PPP4R2: variants seen among roughly 807,000 people sequenced by gnomAD.
The protein encoded by PPP4R2 is serine/threonine-protein phosphatase 4 regulatory subunit 2.
In PPP4R2, 13 loss-of-function variants were observed where a neutral mutation model predicts 47.2. The ratio of observed to expected loss-of-function variants is 0.28; its 90% confidence interval spans 0.18 to 0.44. The LOEUF (loss-of-function observed/expected upper bound fraction) is 0.44, where lower values mean the gene tolerates loss of function less well. Ranked by LOEUF, PPP4R2 falls within the 20% of genes least tolerant of loss-of-function variation. The probability of loss-of-function intolerance (pLI) is 1.00; values close to 1 mark genes in which losing one functional copy is unlikely to be tolerated. For missense variants in PPP4R2, 421 were observed against 491.2 expected (o/e 0.86, Z 1.35); for synonymous variants, 151 against 163.3 (o/e 0.92, Z 0.57).
chr3:73,017,231 A>G (rs1258338032), intron 2 of PPP4R2, among the ~76,000 whole-genome samples: 1 of 152,090 alleles, frequency 6.6e-6, no homozygotes, highest in Non-Finnish European at 1.5e-5. Context: ...GTCATTCTTC[A>G]TATCTGTGGG....
intron 2 of PPP4R2, among the ~76,000 whole-genome samples, chr3:73,002,670 C>A (rs1327554828): frequency 1.3e-4 from 11 of 83,358 alleles, no homozygotes; most frequent in Non-Finnish European, 2.1e-4. Context: ...GAGACGGAGT[C>A]TCGCTCTGTC....
chr3:73,019,501 G>A (rs2107248191), intron 2 of PPP4R2, among the ~76,000 whole-genome samples: 1 of 152,238 alleles, frequency 6.6e-6, no homozygotes, highest in Middle Eastern at 3.4e-3. Context: ...AGCCTCCCTA[G>A]TAGCTGGGAT....
In PPP4R2 at chr3:73,001,582, A is replaced by G. The variant is rs77434861; in HGVS notation, c.116+3424A>G. On this transcript the variant is annotated intron_variant, in intron 2 of 8. Transcript: ENST00000356692. ...GAGTAAGACCTTGTCTCAAACACAC[A>G]CATGCACACTTGCACACTTATGTAA... 6.0e-3 allele frequency among the ~76,000 whole-genome samples: 919 copies of G among 152,206 alleles called. 11 individuals carry two copies. Among genetic ancestry groups the G allele is most frequent in the African/African-American group, 0.021 (887 of 41,530 alleles).
At position 73,065,050 on chromosome 3, in the gene PPP4R2, A is replaced by C; in HGVS notation, c.837A>C (p.Ser279=). The C allele has an allele frequency of 6.2e-7, 1 of 1,613,986 alleles. No homozygotes were observed. The highest frequency in any genetic ancestry group is 8.5e-7 in the Non-Finnish European group (1 of 1,179,870). Residue 279 remains serine (S), a synonymous_variant, in exon 8 of 9, where the codon TCA becomes TCC. Transcript: ENST00000356692. ...SSVMVGETEA[S]SSSQDKDKDS... ...TTATGGTAGGAGAAACAGAAGCATC[A>C]TCTTCATCTCAGGATAAAGACAAAG...
chr3:73,037,545 A>G (rs561370757), intron 2 of PPP4R2, among the ~76,000 whole-genome samples: 1 of 152,334 alleles, frequency 6.6e-6, no homozygotes, highest in Middle Eastern at 3.4e-3. Context: ...GCTGCTAGAT[A>G]GAGGTCAGGG....
rs376374782 is a variant in PPP4R2 at position 73,059,418 on chromosome 3, A to G, written c.381+288A>G. On this transcript the variant is annotated intron_variant, in intron 4 of 8. Transcript: ENST00000356692. Reference sequence around the variant, plus strand: ...AACTTATTAAAGGTTCTGTGAAGTTATAATTGCTATTTTAACTTTATAGAG... The same window carrying G: ...AACTTATTAAAGGTTCTGTGAAGTTGTAATTGCTATTTTAACTTTATAGAG... Among the ~76,000 whole-genome samples the G allele has an allele frequency of 2.0e-5, 3 of 152,216 alleles. No homozygotes were observed. In the East Asian group the frequency reaches 5.8e-4, roughly 29 times the overall value.
intron 2 of PPP4R2, among the ~76,000 whole-genome samples, chr3:73,043,524 T>C (rs1284299805): frequency 6.6e-6 from 1 of 152,190 alleles, no homozygotes; most frequent in Non-Finnish European, 1.5e-5. Flanking sequence ...CCAAGTACTT[T>C]CCAAAGCAAC....
At chr3:73,004,066 C>G (rs1278747721) in intron 2 of PPP4R2, among the ~76,000 whole-genome samples, 4 of 152,074 alleles carry the variant, frequency 2.6e-5, no homozygotes, top group Non-Finnish European at 2.9e-5. Context: ...AATTTCCTGA[C>G]TTCAAGTGAT....
At chr3:73,022,667 A>G (rs965703764) in intron 2 of PPP4R2, among the ~76,000 whole-genome samples, 9 of 152,188 alleles carry the variant, frequency 5.9e-5, no homozygotes, top group Admixed American at 2.6e-4. Flanking sequence ...AAGAACGTCA[A>G]TAAATATCAT....
chr3:73,007,963 G>GT (rs1342669349), intron 2 of PPP4R2, among the ~76,000 whole-genome samples: 4 of 151,602 alleles, frequency 2.6e-5, no homozygotes, highest in Non-Finnish European at 5.9e-5. Context: ...GGTCAGCTGA[G>GT]TTTTTTTCCC....
chr3:73,018,867 C>A (rs1701903708), intron 2 of PPP4R2, among the ~76,000 whole-genome samples: 1 of 152,122 alleles, frequency 6.6e-6, no homozygotes, highest in Non-Finnish European at 1.5e-5. Flanking sequence ...TCAATAAAAA[C>A]TGCCATATTT....
chr3:73,007,896 G>A (rs1701645580), intron 2 of PPP4R2, among the ~76,000 whole-genome samples: 2 of 151,560 alleles, frequency 1.3e-5, no homozygotes, highest in Non-Finnish European at 2.9e-5. Flanking sequence ...CTACCTTTAT[G>A]AATTTTTCCA....
chr3:73,017,998 A>T lies in PPP4R2; in HGVS notation c.116+19840A>T, dbSNP rs11926508. On this transcript the variant is annotated intron_variant, in intron 2 of 8. Transcript: ENST00000356692. ...AATATTTTGTTACTGTATGGTAGAG[A>T]TGGTAAACTGGCTGGGACACTGGGC... 4.2e-3 allele frequency among the ~76,000 whole-genome samples: 642 copies of T among 152,270 alleles called. 9 individuals are homozygous for T. Among genetic ancestry groups the T allele is most frequent in the African/African-American group, 0.014 (577 of 41,554 alleles).
In PPP4R2 at chr3:73,005,823, ACT is replaced by A. The variant is rs1390296115; in HGVS notation, c.116+7668_116+7669del. On this transcript the variant is annotated intron_variant, in intron 2 of 8. Coordinates refer to ENST00000356692, the MANE Select transcript of PPP4R2 (RefSeq NM_174907.4). Reference sequence around the variant, plus strand: ...CTCCAGTCTGGGCAACAAGAGTGAAACTCTGTCTGCAAAAAAAAAAAAATCAG... The same window carrying A: ...CTCCAGTCTGGGCAACAAGAGTGAAACTGTCTGCAAAAAAAAAAAAATCAG... Among the ~76,000 whole-genome samples, 6 of 134,224 alleles carry A rather than the reference ACT, an allele frequency of 4.5e-5. No individual in the cohort carries two copies. In the East Asian group the frequency reaches 7.6e-4, roughly 17 times the overall value. 88.1% of individuals were successfully genotyped at this position (134,224 alleles called of 152,430 possible). A position where few individuals can be genotyped will look rare whatever the true frequency, so the allele number is the denominator to read the frequency against.
chr3:73,040,555 A>G (rs1396053501), intron 2 of PPP4R2, among the ~76,000 whole-genome samples: 1 of 141,546 alleles, frequency 7.1e-6, no homozygotes, highest in Non-Finnish European at 1.5e-5. Flanking sequence ...GCTGGAGTGC[A>G]GTGCAGTGGC....
chr3:73,058,143 A>G (rs74732321), intron 3 of PPP4R2, among the ~76,000 whole-genome samples: 1 of 152,116 alleles, frequency 6.6e-6, no homozygotes, highest in Non-Finnish European at 1.5e-5. Flanking sequence ...AACTTATATC[A>G]GTTTTGTATT....
At chr3:72,998,686 T>C (rs1559543135) in intron 2 of PPP4R2, among the ~76,000 whole-genome samples, 1 of 152,240 alleles carries the variant, frequency 6.6e-6, no homozygotes, top group Non-Finnish European at 1.5e-5. Context: ...GTAGACTTTC[T>C]AAGATAGCTG....
intron 2 of PPP4R2, among the ~76,000 whole-genome samples, chr3:73,021,282 G>T (rs908964828): frequency 1.3e-5 from 2 of 151,330 alleles, no homozygotes; most frequent in African/African-American, 4.9e-5. Context: ...ACCCAGGCTG[G>T]GGGTGCAGTG....
chr3:73,030,608 G>A (rs1575860696), intron 2 of PPP4R2, among the ~76,000 whole-genome samples: 1 of 139,784 alleles, frequency 7.2e-6, no homozygotes, highest in African/African-American at 2.9e-5. Context: ...TGGGGATTAC[G>A]TTGATTTTTT....
Sources: allele counts gnomAD v4.1 joint callset (sites outside exome capture counted in the v4.1 genomes callset), GRCh38; gene constraint gnomAD v4.1.1; transcripts MANE v1.5; gene names NCBI Gene and HGNC (gene_info 2026-07-23, HGNC 2026-07-21).